PPP1R7: variants seen among roughly 807,000 people sequenced by gnomAD.
PPP1R7 encodes protein phosphatase 1 regulatory subunit 7, also known as protein phosphatase 1 regulatory subunit 22.
In PPP1R7, 18 loss-of-function variants were observed where a neutral mutation model predicts 45.2. That is an observed-to-expected ratio of 0.40 (90% CI 0.28 to 0.59). PPP1R7 has a LOEUF of 0.59. Ranked by LOEUF, PPP1R7 falls within the 20% of genes least tolerant of loss-of-function variation. The pLI is 0.46. For missense variants in PPP1R7, 314 were observed against 455.8 expected (o/e 0.69, Z 2.83); for synonymous variants, 181 against 183.4 (o/e 0.99, Z 0.11).
intron 6 of PPP1R7, among the ~76,000 whole-genome samples, chr2:241,162,531 A>G (rs2067617285): frequency 6.6e-6 from 1 of 152,066 alleles, no homozygotes; most frequent in African/African-American, 2.4e-5. Flanking sequence ...AGCAAGAGTG[A>G]TGTAGGAGGG....
In PPP1R7 at chr2:241,157,860, G is replaced by C; in HGVS notation, c.235G>C (p.Glu79Gln). The C allele has an allele frequency of 6.2e-7, 1 of 1,613,764 alleles. No homozygotes were observed. The highest frequency in any genetic ancestry group is 2.2e-5 in the East Asian group (1 of 44,900). ...AACCATCAACCTGGACAGAGATGCA[G>C]AGGTAATGCCGCCTGCTCAGCCCAG... ...METINLDRDAEDVDLNHYRIG... is the reference protein window; with the variant it reads ...METINLDRDAQDVDLNHYRIG... The change falls in exon 3 of 10, where the codon GAG (glutamate) becomes CAG (glutamine). Residue 79 changes from glutamate to glutamine, a missense_variant and splice_region_variant. Coordinates refer to ENST00000234038, the MANE Select transcript of PPP1R7 (RefSeq NM_002712.3).
chr2:241,164,143 C>G (rs924226300), intron 7 of PPP1R7, among the ~76,000 whole-genome samples: 2 of 151,774 alleles, frequency 1.3e-5, no homozygotes, highest in Non-Finnish European at 2.9e-5. Flanking sequence ...TCTTGAACTC[C>G]TGGACTCAAG....
chr2:241,150,382 GCGGCTGAAGTC>G, upstream of PPP1R7: 1 of 1,329,578 alleles, frequency 7.5e-7, no homozygotes, highest in Non-Finnish European at 9.6e-7. Context: ...CAGGCGCGGC[GCGGCTGAAGTC>G]GCCGCGCCGG....
At chr2:241,162,032 A>T (rs1446130860) in intron 6 of PPP1R7, among the ~76,000 whole-genome samples, 4 of 152,200 alleles carry the variant, frequency 2.6e-5, no homozygotes, top group Non-Finnish European at 5.9e-5. Flanking sequence ...ACAGGATACA[A>T]ACCAAGGGAG....
At chr2:241,149,589 A>C (rs1443285536), upstream of PPP1R7, 11 of 1,472,788 alleles carry the variant, frequency 7.5e-6, no homozygotes, top group East Asian at 2.5e-4. Context: ...GCCCGCGCTA[A>C]GGGTTGCTAG....
chr2:241,158,645 C>A, intron 4 of PPP1R7, 96 bp downstream of exon 4: 1 of 1,290,334 alleles, frequency 7.7e-7, no homozygotes, highest in Non-Finnish European at 1.1e-6. Flanking sequence ...GGTCCTTGTC[C>A]CAGCCTGTGG....
rs2067529892 is a variant in PPP1R7, at chr2:241,159,237, A to T, written c.328A>T (p.Ile110Phe). The stretch of plus-strand genomic sequence containing the variant: ...GACTCTCTGCCTCCGCCAAAATTTA[A>T]TTAAATGCATTGAGAATCTGGAGGA... ...VKTLCLRQNL[I>F]KCIENLEELQ... The change falls in exon 5 of 10, where the codon ATT (isoleucine) becomes TTT (phenylalanine). Residue 110 changes from isoleucine to phenylalanine, a missense_variant. By Grantham distance (21) the Ile-to-Phe change is conservative (BLOSUM62 0). Coordinates refer to ENST00000234038, the MANE Select transcript of PPP1R7 (RefSeq NM_002712.3). The T allele has an allele frequency of 6.2e-7, 1 of 1,613,460 alleles. No individual in the cohort carries two copies. The highest frequency in any genetic ancestry group is 1.3e-5 in the African/African-American group (1 of 74,856).
At chr2:241,162,710 T>C (rs1251697172) in intron 6 of PPP1R7, among the ~76,000 whole-genome samples, 2 of 141,494 alleles carry the variant, frequency 1.4e-5, no homozygotes, top group Non-Finnish European at 3.0e-5. Flanking sequence ...TGAGACGGAG[T>C]CTCGTGCTGT....
At chr2:241,168,302 C>T (rs1373091116) in intron 8 of PPP1R7, among the ~76,000 whole-genome samples, 1 of 152,134 alleles carries the variant, frequency 6.6e-6, no homozygotes, top group Non-Finnish European at 1.5e-5. Context: ...CGGCTCTGCC[C>T]CTCGTGCTGA....
At position 241,159,206 on chromosome 2, in the gene PPP1R7, C is replaced by A; in HGVS notation, c.304-7C>A. ...CTGTGTCAATTGTCCCTTTTCCCAT[C>A]CCCCAGACTCTCTGCCTCCGCCAAA... On this transcript the variant is annotated splice_polypyrimidine_tract_variant and splice_region_variant and intron_variant, in intron 4 of 9. Transcript: ENST00000234038. 6.2e-7 allele frequency: 1 copy of A among 1,612,588 alleles called. No individual in the cohort carries two copies. Among genetic ancestry groups the A allele is most frequent in the Non-Finnish European group, 8.5e-7 (1 of 1,179,006 alleles).
intron 8 of PPP1R7, 102 bp downstream of exon 8, chr2:241,166,543 G>A (rs781163126): frequency 1.2e-4 from 109 of 946,378 alleles, no homozygotes; most frequent in Non-Finnish European, 1.8e-4. Context: ...CCGGTGTCAG[G>A]AAGATGCCCT....
chr2:241,159,540 A>G (rs2067538859), intron 5 of PPP1R7, among the ~76,000 whole-genome samples, 197 bp downstream of exon 5: 10 of 152,182 alleles, frequency 6.6e-5, no homozygotes, highest in Admixed American at 6.5e-4. Context: ...GGCTTCATGC[A>G]TGTCTTTGGC....
chr2:241,154,731 A>G (rs1214818456), intron 2 of PPP1R7, among the ~76,000 whole-genome samples: 1 of 152,162 alleles, frequency 6.6e-6, no homozygotes, highest in South Asian at 2.1e-4. Flanking sequence ...AACAGTATGC[A>G]TGCATGTATG....
chr2:241,171,131 G>A lies in PPP1R7; in HGVS notation c.906+1264G>A, dbSNP rs551024630. Among the ~76,000 whole-genome samples, 21 of 152,332 alleles carry A rather than the reference G, an allele frequency of 1.4e-4. No individual in the cohort carries two copies. In the East Asian group the frequency reaches 3.1e-3, roughly 22 times the overall value. On this transcript the variant is annotated intron_variant, in intron 9 of 9. Coordinates refer to ENST00000234038, the MANE Select transcript of PPP1R7 (RefSeq NM_002712.3). ...GATACTGAAGCAATGTTCCTGAAGCGTAACGATTCCTTCTGCATGCCCTGC... is the reference window on the plus strand; with the variant it reads ...GATACTGAAGCAATGTTCCTGAAGCATAACGATTCCTTCTGCATGCCCTGC...
rs2068047282 is a variant in PPP1R7 at position 241,183,648 on chromosome 2, A to G, written c.*825A>G. Reference sequence around the variant, plus strand: ...TTTTTAATATAAAATGTACATTGACAGACACCCGAAGTCTGGATTTAATGC... The same window carrying G: ...TTTTTAATATAAAATGTACATTGACGGACACCCGAAGTCTGGATTTAATGC... On this transcript the variant is annotated 3_prime_UTR_variant, in exon 10 of 10. Transcript: ENST00000234038. 3.3e-6 allele frequency: 1 copy of G among 306,718 alleles called. No homozygotes were observed. The highest frequency in any genetic ancestry group is 6.4e-6 in the Non-Finnish European group (1 of 155,734). The allele number at this position is 306,718 out of a possible 1,614,324, so 19.0% of individuals were successfully genotyped here.
At position 241,155,326 on chromosome 2, in the gene PPP1R7, C is replaced by T. The variant is rs542801805; in HGVS notation, c.181+1722C>T. 1.1e-4 allele frequency: 16 copies of T among 152,280 alleles called. No individual in the cohort carries two copies. The East Asian group carries it at 3.1e-3, about 29-fold the overall frequency. 9.4% of individuals were successfully genotyped at this position (152,280 alleles called of 1,614,324 possible). ...GAAAATGAGACTCTCTGCAGCTTGT[C>T]CAAGGGCACACGGCTACAAGGCAGA... On this transcript the variant is annotated intron_variant, in intron 2 of 9. Transcript: ENST00000234038.
upstream of PPP1R7, chr2:241,149,853 C>G: frequency 6.8e-7 from 1 of 1,470,426 alleles, no homozygotes; most frequent in Non-Finnish European, 9.0e-7. Flanking sequence ...CAAGGGGAGC[C>G]CAGCTGGCGC....
chr2:241,174,890 C>T (rs1229618938), intron 9 of PPP1R7, among the ~76,000 whole-genome samples: 2 of 151,976 alleles, frequency 1.3e-5, no homozygotes, highest in African/African-American at 4.8e-5. Context: ...TTAGCCAGGA[C>T]AGTCTCCATC....
At chr2:241,160,812 T>G (rs1378132553) in intron 6 of PPP1R7, among the ~76,000 whole-genome samples, 3 of 152,260 alleles carry the variant, frequency 2.0e-5, no homozygotes, top group African/African-American at 7.2e-5. Flanking sequence ...GCCTTGCTCT[T>G]GAACTTCCTC....
Sources: gnomAD v4.1 joint callset for allele counts (sites outside exome capture counted in the v4.1 genomes callset) on GRCh38, gnomAD v4.1.1 for gene constraint, MANE v1.5 for transcripts, NCBI Gene and HGNC (gene_info 2026-07-23, HGNC 2026-07-21) for gene names.